GSG1L: variants seen among roughly 807,000 people sequenced by gnomAD.
GSG1L encodes GSG1 like, also known as germ cell-specific gene 1-like protein.
In GSG1L, 24 loss-of-function variants were observed where a neutral mutation model predicts 42.1. That is an observed-to-expected ratio of 0.57 (90% CI 0.41 to 0.80). The LOEUF is 0.80. GSG1L is among the 30% of genes least tolerant of loss of function. The pLI, the probability that GSG1L is intolerant of heterozygous loss-of-function variation, is 0.00. For missense variants in GSG1L, 445 were observed against 472.2 expected (o/e 0.94, Z 0.53); for synonymous variants, 215 against 203.5 (o/e 1.06, Z -0.48).
chr16:27,985,571 C>T (rs910884638), intron 1 of GSG1L, among the ~76,000 whole-genome samples: 4 of 151,984 alleles, frequency 2.6e-5, no homozygotes, highest in African/African-American at 9.7e-5. Context: ...CGGCCGGGCA[C>T]GGTGGCTCAT....
At chr16:27,844,785 T>A (rs1222978279) in intron 4 of GSG1L, among the ~76,000 whole-genome samples, 165 bp downstream of exon 4, 2 of 152,054 alleles carry the variant, frequency 1.3e-5, no homozygotes, top group African/African-American at 2.4e-5. Context: ...AGTTTGCCAA[T>A]CCCTGCCCTG....
intron 4 of GSG1L, among the ~76,000 whole-genome samples, chr16:27,835,822 A>G (rs1488117640): frequency 6.6e-6 from 1 of 152,092 alleles, no homozygotes; most frequent in Non-Finnish European, 1.5e-5. Context: ...ATTGTCTTAA[A>G]TATTTCCACT....
At chr16:27,940,885 T>C (rs1336859228) in intron 2 of GSG1L, among the ~76,000 whole-genome samples, 1 of 151,222 alleles carries the variant, frequency 6.6e-6, no homozygotes, top group Non-Finnish European at 1.5e-5. Context: ...AAAATAAAAA[T>C]AAAAAATAAA....
chr16:27,791,459 G>A lies in GSG1L; in HGVS notation c.907C>T (p.Pro303Ser). Residue 303 changes from proline (P) to serine (S), a missense_variant, in exon 7 of 7, where the codon CCA becomes TCA. Pro to Ser is a moderately conservative substitution (Grantham distance 74). Around this residue, in one of 3 missense-constraint regions of GSG1L, gnomAD observed 140 missense variants for 120.6 expected, o/e 1.16. Transcript: ENST00000447459. ...RHERYPARHQ[P>S]HMADSWPRSS... ...CGGGGCCAGGAATCCGCCATGTGTG[G>A]CTGGTGTCCTGCCAGGAGACAAGGC... is the stretch of plus-strand genomic sequence containing the variant. 6.7e-7 allele frequency: 1 copy of A among 1,488,780 alleles called. No individual in the cohort carries two copies. Among genetic ancestry groups the A allele is most frequent in the Non-Finnish European group, 9.0e-7 (1 of 1,113,682 alleles). The allele number at this position is 1,488,780 out of a possible 1,614,324, so 92.2% of individuals were successfully genotyped here.
At chr16:27,826,948 T>C (rs2083216708) in intron 5 of GSG1L, among the ~76,000 whole-genome samples, 2 of 152,206 alleles carry the variant, frequency 1.3e-5, no homozygotes, top group Admixed American at 1.3e-4. Flanking sequence ...CTCTTGAATC[T>C]GGGTGGCCTG....
Position 27,789,418 on chromosome 16 carries a change from TG to T in GSG1L, c.*1951del, listed in dbSNP as rs2082726805. On this transcript the variant is annotated 3_prime_UTR_variant, in exon 7 of 7. Coordinates refer to ENST00000447459, the MANE Select transcript of GSG1L (RefSeq NM_001109763.2). ...GAATGGATGAGTGGATGATGGATAA[TG>T]GATAGATGGAGGGATGATGGCTGAT... 1 of 148,920 alleles carries T rather than the reference TG, an allele frequency of 6.7e-6. No individual in the cohort carries two copies. Among genetic ancestry groups the T allele is most frequent in the East Asian group, 2.0e-4 (1 of 4,884 alleles). The allele number at this position is 148,920 out of a possible 1,614,324, so 9.2% of individuals were successfully genotyped here.
At chr16:27,795,056 T>G (rs1273170080) in intron 6 of GSG1L, among the ~76,000 whole-genome samples, 1 of 152,134 alleles carries the variant, frequency 6.6e-6, no homozygotes, top group Non-Finnish European at 1.5e-5. Flanking sequence ...CAGGTCAGCA[T>G]GGGTCTCCCC....
intron 2 of GSG1L, among the ~76,000 whole-genome samples, chr16:27,906,046 C>A (rs763037644): frequency 6.6e-6 from 1 of 152,098 alleles, no homozygotes; most frequent in Non-Finnish European, 1.5e-5. Context: ...ATCAGAGAAT[C>A]CACGGGAATA....
At chr16:27,969,387 A>G (rs546676397) in intron 1 of GSG1L, among the ~76,000 whole-genome samples, 1 of 152,318 alleles carries the variant, frequency 6.6e-6, no homozygotes, top group East Asian at 1.9e-4. Flanking sequence ...TATGATTCAT[A>G]TAGATGGAAT....
chr16:27,905,978 G>A (rs1183474714), intron 2 of GSG1L, among the ~76,000 whole-genome samples: 1 of 151,940 alleles, frequency 6.6e-6, no homozygotes, highest in East Asian at 1.9e-4. Flanking sequence ...CTCTCATCTG[G>A]GAGGCACCCA....
chr16:27,897,727 C>T (rs566190216), intron 2 of GSG1L, among the ~76,000 whole-genome samples: 10 of 152,186 alleles, frequency 6.6e-5, no homozygotes, highest in Non-Finnish European at 1.5e-4. Flanking sequence ...ACAGAGATAC[C>T]TCGCTGTGGT....
At chr16:27,904,293 C>T (rs58733320) in intron 2 of GSG1L, among the ~76,000 whole-genome samples, 1,958 of 152,160 alleles carry the variant, frequency 0.013, 53 homozygotes, top group African/African-American at 0.044. Flanking sequence ...TGGTCTTAAA[C>T]TCCTGAGGTC....
rs143250774 is a variant in GSG1L, at chr16:28,035,656, A to C, written c.349+27420T>G. On this transcript the variant is annotated intron_variant, in intron 1 of 6. Transcript: ENST00000447459. ...GTCTTTGTAGCTTAACAGCAGCTCA[A>C]GTCATAAATTGCTTTCAAGTCTTAC... is the stretch of plus-strand genomic sequence containing the variant. Among the ~76,000 whole-genome samples the C allele has an allele frequency of 7.2e-4, 110 of 152,340 alleles. 1 individual carries two copies. In the East Asian group the frequency reaches 0.012, roughly 16 times the overall value.
intron 3 of GSG1L, among the ~76,000 whole-genome samples, chr16:27,852,804 G>A (rs756622255): frequency 2.0e-5 from 3 of 152,200 alleles, no homozygotes; most frequent in Non-Finnish European, 4.4e-5. Context: ...CTGAGAACAG[G>A]CGAGAGGAGC....
chr16:27,979,750 G>GAAAGAAAGAAAT (rs1318416805), intron 1 of GSG1L, among the ~76,000 whole-genome samples: 1 of 14,440 alleles, frequency 6.9e-5, no homozygotes, highest in Non-Finnish European at 1.5e-4. Context: ...AGAAAGAAAG[G>GAAAGAAAGAAAT]AAAGAAAGAA....
chr16:28,034,426 T>G (rs2086009031), intron 1 of GSG1L, among the ~76,000 whole-genome samples: 1 of 152,156 alleles, frequency 6.6e-6, no homozygotes, highest in South Asian at 2.1e-4. Context: ...AAAGACAAAT[T>G]TCTACTGGCT....
At chr16:27,851,786 C>G (rs2083517565) in intron 3 of GSG1L, among the ~76,000 whole-genome samples, 1 of 152,182 alleles carries the variant, frequency 6.6e-6, no homozygotes, top group Admixed American at 6.5e-5. Context: ...GTCAGGGCCT[C>G]TTGAGTCCAG....
intron 1 of GSG1L, among the ~76,000 whole-genome samples, chr16:27,996,977 G>A (rs1277367307): frequency 6.6e-6 from 1 of 152,106 alleles, no homozygotes; most frequent in Non-Finnish European, 1.5e-5. Flanking sequence ...GGCCAGGCTG[G>A]TCTCGAACTT....
Position 27,884,452 on chromosome 16 carries a change from G to A in GSG1L, c.550+34C>T. 2 of 1,598,216 alleles carry A rather than the reference G, an allele frequency of 1.3e-6. No homozygotes were observed. The highest frequency in any genetic ancestry group is 1.7e-6 in the Non-Finnish European group (2 of 1,170,362). On this transcript the variant is annotated intron_variant, in intron 3 of 6. Coordinates refer to ENST00000447459, the MANE Select transcript of GSG1L (RefSeq NM_001109763.2). The surrounding 1 kb of genome is among the most constrained non-coding windows in gnomAD (Gnocchi z 4.4). ...AAGGGCAGCACCCTTTCTCGCCTGT[G>A]CTCTGAGAGGCCACAGGACCAGCCA... is the stretch of plus-strand genomic sequence containing the variant.
Sources: allele counts gnomAD v4.1 joint callset (sites outside exome capture counted in the v4.1 genomes callset), GRCh38; gene constraint gnomAD v4.1.1; regional missense constraint gnomAD v4.1.1; non-coding constraint Gnocchi (gnomAD v3.1); transcripts MANE v1.5; gene names NCBI Gene and HGNC (gene_info 2026-07-23, HGNC 2026-07-21).